Variants in LRMDA observed in about 807,000 individuals in gnomAD.
The protein encoded by LRMDA is leucine-rich melanocyte differentiation-associated protein.
LRMDA carries 18 observed loss-of-function variants against 29.8 expected under a neutral mutation model. The observed-to-expected ratio is 0.60, with a 90% CI of 0.42 to 0.90. LRMDA has a LOEUF of 0.90. LRMDA is among the 40% of genes least tolerant of loss of function. The pLI is 0.00. For synonymous variants in LRMDA, 125 were observed against 109.4 expected (o/e 1.14, Z -0.89); for missense variants, 273 against 273.9 (o/e 1.00, Z 0.02).
At chr10:76,391,831 T>C (rs1841726551) in intron 6 of LRMDA, among the ~76,000 whole-genome samples, 1 of 152,194 alleles carries the variant, frequency 6.6e-6, no homozygotes, top group Admixed American at 6.5e-5. Context: ...AGGTTAGAGA[T>C]TAGGTAGTAA....
intron 6 of LRMDA, among the ~76,000 whole-genome samples, chr10:76,381,221 A>G (rs1278168705): frequency 1.3e-5 from 2 of 151,986 alleles, no homozygotes; most frequent in Non-Finnish European, 2.9e-5. Flanking sequence ...ATCCTTATCA[A>G]TTATCTGTGA....
chr10:75,964,456 CA>C (rs1846821823), intron 2 of LRMDA, among the ~76,000 whole-genome samples: 1 of 152,152 alleles, frequency 6.6e-6, no homozygotes, highest in Admixed American at 6.5e-5. Context: ...GTCTTTATAT[CA>C]ATATGAGAGT....
intron 2 of LRMDA, among the ~76,000 whole-genome samples, chr10:75,751,392 A>G (rs1188732436): frequency 2.6e-5 from 4 of 151,918 alleles, no homozygotes; most frequent in Admixed American, 1.3e-4. Flanking sequence ...AGGGAGAGGA[A>G]TATAGAAACT....
rs533136171 is a variant in LRMDA, at chr10:76,137,080, T to G, written c.516+78297T>G. 5.3e-5 allele frequency among the ~76,000 whole-genome samples: 8 copies of G among 152,318 alleles called. No homozygotes were observed. The South Asian group carries it at 1.7e-3, about 32-fold the overall frequency. ...CTTTTGTTTATGCTGTTGCCTCCTTTTAGAAGGGCCACGCTCCACCGCTCT... is the reference window on the plus strand; with the variant it reads ...CTTTTGTTTATGCTGTTGCCTCCTTGTAGAAGGGCCACGCTCCACCGCTCT... On this transcript the variant is annotated intron_variant, in intron 5 of 6. Transcript: ENST00000611255.
chr10:76,206,749 C>T (rs1851544339), intron 5 of LRMDA, among the ~76,000 whole-genome samples: 1 of 152,176 alleles, frequency 6.6e-6, no homozygotes, highest in Admixed American at 6.5e-5. Context: ...ATCCAGTAAC[C>T]ACTTTCCCCT....
At chr10:75,659,642 G>C (rs890308641) in intron 2 of LRMDA, among the ~76,000 whole-genome samples, 1 of 152,174 alleles carries the variant, frequency 6.6e-6, no homozygotes, top group Non-Finnish European at 1.5e-5. Flanking sequence ...ACTGGGAGGT[G>C]GGGGAAATGG....
Position 76,410,840 on chromosome 10 carries a change from G to A in LRMDA, c.601+86355G>A, listed in dbSNP as rs575471745. Among the ~76,000 whole-genome samples the A allele has an allele frequency of 2.0e-5, 3 of 152,208 alleles. No individual in the cohort carries two copies. In the South Asian group the frequency reaches 6.2e-4, roughly 32 times the overall value. On this transcript the variant is annotated intron_variant, in intron 6 of 6. Coordinates refer to ENST00000611255, the MANE Select transcript of LRMDA (RefSeq NM_001305581.2). ...ATGGTGGTGAGCGCCTGTAATCCCA[G>A]CAGGCTGAGGTAGGATAATTGCTTG...
At chr10:76,509,686 A>T (rs889306036) in intron 6 of LRMDA, among the ~76,000 whole-genome samples, 3 of 152,228 alleles carry the variant, frequency 2.0e-5, no homozygotes, top group African/African-American at 7.2e-5. Flanking sequence ...AAGATCTGAC[A>T]GTAGAGATCT....
intron 2 of LRMDA, among the ~76,000 whole-genome samples, chr10:75,765,047 A>G (rs1158252175): frequency 6.6e-6 from 1 of 152,058 alleles, no homozygotes; most frequent in Non-Finnish European, 1.5e-5. Flanking sequence ...AAAAAAATAT[A>G]TGAGTGGAAA....
intron 2 of LRMDA, among the ~76,000 whole-genome samples, chr10:75,491,800 C>G (rs1206585365): frequency 1.3e-5 from 2 of 152,078 alleles, no homozygotes; most frequent in Non-Finnish European, 2.9e-5. Flanking sequence ...TCCCTTTGTT[C>G]CTTGGAATAT....
intron 2 of LRMDA, among the ~76,000 whole-genome samples, chr10:75,820,439 C>A (rs541562091): frequency 1.1e-4 from 16 of 152,226 alleles, no homozygotes; most frequent in African/African-American, 2.4e-4. Flanking sequence ...TGGAAAAAAA[C>A]CCAATTTTCT....
At chr10:75,769,453 A>T (rs1312188058) in intron 2 of LRMDA, among the ~76,000 whole-genome samples, 1 of 152,084 alleles carries the variant, frequency 6.6e-6, no homozygotes, top group East Asian at 1.9e-4. Flanking sequence ...AAGGCTAATA[A>T]TTTTTTTGCA....
intron 2 of LRMDA, among the ~76,000 whole-genome samples, chr10:76,009,953 T>G (rs1847746253): frequency 6.6e-6 from 1 of 151,778 alleles, no homozygotes; most frequent in Admixed American, 6.6e-5. Context: ...CGTCAAGGTA[T>G]TTTTCATAAT....
At chr10:75,923,376 C>T (rs541005369) in intron 2 of LRMDA, among the ~76,000 whole-genome samples, 74 of 152,160 alleles carry the variant, frequency 4.9e-4, no homozygotes, top group African/African-American at 1.2e-3. Context: ...TGCTCAGTGC[C>T]GGTGATGGGT....
At chr10:76,516,485 C>T (rs554973190) in intron 6 of LRMDA, among the ~76,000 whole-genome samples, 1 of 152,052 alleles carries the variant, frequency 6.6e-6, no homozygotes, top group East Asian at 1.9e-4. Flanking sequence ...CTAATGCTAT[C>T]CCTCCCCACT....
At chr10:76,063,948 A>G (rs1355626512) in intron 5 of LRMDA, among the ~76,000 whole-genome samples, 1 of 152,220 alleles carries the variant, frequency 6.6e-6, no homozygotes, top group East Asian at 1.9e-4. Flanking sequence ...CCATGAGGGC[A>G]GGAACCTTGT....
chr10:76,328,918 T>G (rs373887340), intron 6 of LRMDA, among the ~76,000 whole-genome samples: 3 of 152,052 alleles, frequency 2.0e-5, no homozygotes, highest in South Asian at 4.2e-4. Flanking sequence ...GAATTAGAGG[T>G]GCTGCCACCA....
chr10:75,651,480 T>C (rs937313034), intron 2 of LRMDA, among the ~76,000 whole-genome samples: 2 of 152,220 alleles, frequency 1.3e-5, no homozygotes, highest in African/African-American at 4.8e-5. Flanking sequence ...TGTTGTGGTC[T>C]CTCACAACAA....
intron 2 of LRMDA, among the ~76,000 whole-genome samples, chr10:75,847,018 G>A (rs1011343339): frequency 6.6e-6 from 1 of 152,126 alleles, no homozygotes; most frequent in Non-Finnish European, 1.5e-5. Flanking sequence ...TAAAGTTCAT[G>A]TGGAATCTCA....
Sources: gnomAD v4.1 joint callset for allele counts (sites outside exome capture counted in the v4.1 genomes callset) on GRCh38, gnomAD v4.1.1 for gene constraint, MANE v1.5 for transcripts, NCBI Gene and HGNC (gene_info 2026-07-23, HGNC 2026-07-21) for gene names.